Variants in OTOGL observed in about 807,000 individuals in gnomAD.
OTOGL encodes the protein otogelin-like protein.
In OTOGL, 285 loss-of-function variants were observed where a neutral mutation model predicts 318.5. That is an observed-to-expected ratio of 0.89 (90% CI 0.81 to 0.99). The LOEUF (loss-of-function observed/expected upper bound fraction) is 0.99. OTOGL is among the 50% of genes least tolerant of loss of function. The pLI, the probability that OTOGL is intolerant of heterozygous loss-of-function variation, is 0.00. For missense variants in OTOGL, 2,899 were observed against 2,845.6 expected, an observed-to-expected ratio of 1.02 and a Z score of -0.43; for synonymous variants, 987 against 936.5, an observed-to-expected ratio of 1.05 and a Z score of -0.99.
intron 9 of OTOGL, among the ~76,000 whole-genome samples, chr12:80,233,532 A>G (rs912638298): frequency 6.6e-6 from 1 of 152,236 alleles, no homozygotes; most frequent in Non-Finnish European, 1.5e-5. Context: ...AATAAGTTGA[A>G]TAATTGACAA....
intron 1 of OTOGL, among the ~76,000 whole-genome samples, chr12:80,134,788 C>A (rs56666197): frequency 6.6e-6 from 1 of 152,294 alleles, no homozygotes; most frequent in African/African-American, 2.4e-5. Flanking sequence ...ATGTTTATGT[C>A]AGTAATCACA....
At chr12:80,243,915 C>T (rs1880613392) in intron 11 of OTOGL, among the ~76,000 whole-genome samples, 1 of 149,426 alleles carries the variant, frequency 6.7e-6, no homozygotes. Flanking sequence ...GATCCTCCTT[C>T]TCTGAGATGG....
At chr12:80,329,835 G>T (rs1887958045) in intron 37 of OTOGL, among the ~76,000 whole-genome samples, 1 of 152,150 alleles carries the variant, frequency 6.6e-6, no homozygotes, top group Admixed American at 6.5e-5. Context: ...CCTCAGTGAG[G>T]AGATATGATA....
At chr12:80,237,095 G>A (rs1327387550) in intron 9 of OTOGL, among the ~76,000 whole-genome samples, 3 of 152,014 alleles carry the variant, frequency 2.0e-5, no homozygotes, top group Admixed American at 1.3e-4. Flanking sequence ...GATTACAGGC[G>A]TGAGTCACCG....
intron 36 of OTOGL, 134 bp from the exon 37 acceptor site, chr12:80,328,917 A>T: frequency 6.0e-6 from 6 of 1,006,898 alleles, no homozygotes; most frequent in South Asian, 5.0e-5. Flanking sequence ...AATCATGTAG[A>T]TCTTCCACTA....
chr12:80,339,906 TAAA>T (rs1454957234), intron 43 of OTOGL, among the ~76,000 whole-genome samples: 1 of 152,106 alleles, frequency 6.6e-6, no homozygotes, highest in Non-Finnish European at 1.5e-5. Flanking sequence ...CATAATGAAA[TAAA>T]AAGAATACTG....
chr12:80,357,037 G>A, intron 49 of OTOGL, 123 bp downstream of exon 49: 1 of 495,796 alleles, frequency 2.0e-6, no homozygotes, highest in Non-Finnish European at 3.5e-6. Context: ...GAATTCAACT[G>A]AATGAGAACT....
At chr12:80,263,194 G>A (rs1882687758) in intron 19 of OTOGL, among the ~76,000 whole-genome samples, 1 of 151,936 alleles carries the variant, frequency 6.6e-6, no homozygotes, top group Non-Finnish European at 1.5e-5. Flanking sequence ...TTTCATGAAT[G>A]ACTACTTTTA....
At chr12:80,250,346 A>G (rs1881425238) in intron 11 of OTOGL, among the ~76,000 whole-genome samples, 1 of 152,160 alleles carries the variant, frequency 6.6e-6, no homozygotes, top group African/African-American at 2.4e-5. Flanking sequence ...GAGGTGTCAC[A>G]TATTAATGTG....
chr12:80,352,540 C>A (rs1314178007), intron 45 of OTOGL, 104 bp downstream of exon 45: 1 of 969,050 alleles, frequency 1.0e-6, no homozygotes, highest in Non-Finnish European at 1.5e-6. Context: ...ATTTAGTAAG[C>A]ATAAAATGCA....
At chr12:80,182,779 A>G (rs1875017419) in intron 1 of OTOGL, among the ~76,000 whole-genome samples, 1 of 152,224 alleles carries the variant, frequency 6.6e-6, no homozygotes, top group Non-Finnish European at 1.5e-5. Flanking sequence ...GCTGAAGCAT[A>G]GGGAGTACAC....
intron 8 of OTOGL, among the ~76,000 whole-genome samples, chr12:80,230,443 T>C (rs1879262786): frequency 6.6e-6 from 1 of 152,214 alleles, no homozygotes; most frequent in African/African-American, 2.4e-5. Context: ...TAGAGCTGAA[T>C]TTAGATAGTC....
rs1161823997 is a variant in OTOGL, at chr12:80,248,935, C to G, written c.1053-2758C>G. The stretch of plus-strand genomic sequence containing the variant: ...TCATTTCATCTTCCATTGCTGATAC[C>G]CTTTCTTCCATTTGATCGCATCGGC... On this transcript the variant is annotated intron_variant, in intron 11 of 58. Transcript: ENST00000547103. 4.7e-5 allele frequency among the ~76,000 whole-genome samples: 7 copies of G among 148,400 alleles called. No homozygotes were observed. The East Asian group carries it at 5.8e-4, about 12-fold the overall frequency.
Position 80,256,556 on chromosome 12 carries a change from GT to G in OTOGL, c.1711+98del. On this transcript the variant is annotated intron_variant, in intron 17 of 58. Coordinates refer to ENST00000547103, the MANE Select transcript of OTOGL (RefSeq NM_001378609.3). Reference sequence around the variant, plus strand: ...AAACAAAATGGGATCTTTTCCTAATGTTAGGCTGACTACCTAGCATTTATAG... The same window carrying G: ...AAACAAAATGGGATCTTTTCCTAATGTAGGCTGACTACCTAGCATTTATAG... 4.2e-6 allele frequency: 6 copies of G among 1,438,764 alleles called. No homozygotes were observed. The South Asian group carries it at 8.5e-5, about 20-fold the overall frequency. The allele number at this position is 1,438,764 out of a possible 1,614,324, so 89.1% of individuals were successfully genotyped here.
rs76022862 is a variant in OTOGL at position 80,227,978 on chromosome 12, C to T, written c.490-1279C>T. ...TCACATAGCTATATTTTCTATTAGC[C>T]GTTTTCCTCTAATAGAATACAAGTT... is the stretch of plus-strand genomic sequence containing the variant. On this transcript the variant is annotated intron_variant, in intron 7 of 58. Coordinates refer to ENST00000547103, the MANE Select transcript of OTOGL (RefSeq NM_001378609.3). 3.1e-3 allele frequency among the ~76,000 whole-genome samples: 477 copies of T among 152,116 alleles called. 5 individuals carry two copies. The highest frequency in any genetic ancestry group is 0.011 in the African/African-American group (461 of 41,494).
chr12:80,308,068 C>T (rs1310724383), intron 29 of OTOGL, among the ~76,000 whole-genome samples: 5 of 140,312 alleles, frequency 3.6e-5, no homozygotes, highest in African/African-American at 1.1e-4. Context: ...ACCTCCCTCC[C>T]GGACGGGGCG....
At chr12:80,209,386 A>G in intron 1 of OTOGL, 27 bp from the exon 2 acceptor site, 2 of 1,287,928 alleles carry the variant, frequency 1.6e-6, no homozygotes, top group Non-Finnish European at 2.1e-6. Flanking sequence ...CATCATAATA[A>G]AGACCATCAA....
At chr12:80,329,265 C>G (rs915087826) in intron 37 of OTOGL, 146 bp downstream of exon 37, 6 of 604,452 alleles carry the variant, frequency 9.9e-6, no homozygotes, top group Admixed American at 3.8e-5. Context: ...CTTCATTAAG[C>G]TTGTCCATTG....
At chr12:80,259,417 A>G (rs892728664) in intron 18 of OTOGL, among the ~76,000 whole-genome samples, 1 of 151,896 alleles carries the variant, frequency 6.6e-6, no homozygotes, top group Non-Finnish European at 1.5e-5. Context: ...CTGAATGTGC[A>G]GGTTTGTTAC....
Sources: allele counts gnomAD v4.1 joint callset (sites outside exome capture counted in the v4.1 genomes callset), GRCh38; gene constraint gnomAD v4.1.1; transcripts MANE v1.5; gene names NCBI Gene and HGNC (gene_info 2026-07-23, HGNC 2026-07-21).